CPNE8: variants seen among roughly 807,000 people sequenced by gnomAD.
CPNE8 encodes copine 8, also known as copine-8.
CPNE8 carries 45 observed loss-of-function variants against 81.5 expected under a neutral mutation model. That is an observed-to-expected ratio of 0.55 (90% CI 0.44 to 0.71). The LOEUF is 0.71. Ranked by LOEUF, CPNE8 falls within the 30% of genes least tolerant of loss-of-function variation. The pLI, the probability that CPNE8 is intolerant of heterozygous loss-of-function variation, is 0.00. For missense variants in CPNE8, 594 were observed against 672.1 expected (o/e 0.88, Z 1.28); for synonymous variants, 252 against 226.3 (o/e 1.11, Z -1.02).
chr12:38,844,880 C>G (rs552355915), intron 4 of CPNE8, among the ~76,000 whole-genome samples: 1 of 152,126 alleles, frequency 6.6e-6, no homozygotes, highest in African/African-American at 2.4e-5. Context: ...CAAAACAATT[C>G]TGAAAACCAT....
intron 6 of CPNE8, among the ~76,000 whole-genome samples, chr12:38,794,673 G>C (rs1942412133): frequency 6.6e-6 from 1 of 151,222 alleles, no homozygotes; most frequent in Non-Finnish European, 1.5e-5. Context: ...CAGAACACAA[G>C]TGTTGGCAAT....
Position 38,653,933 on chromosome 12 carries a change from A to T in CPNE8, c.1644T>A (p.Pro548=). 1 of 1,613,600 alleles carries T rather than the reference A, an allele frequency of 6.2e-7. No homozygotes were observed. Among genetic ancestry groups the T allele is most frequent in the East Asian group, 2.2e-5 (1 of 44,810 alleles). Residue 548 remains proline, a synonymous_variant, in exon 20 of 20, where the codon CCT becomes CCA. Coordinates refer to ENST00000331366, the MANE Select transcript of CPNE8 (RefSeq NM_153634.3). ...TAGGTGGGGTGTATGGGGGAGGCGC[A>T]GGTGATGGCTTGATTCCTCGGGCTC... is the stretch of plus-strand genomic sequence containing the variant. ...YMRARGIKPS[P]APPPYTPPTH...
intron 6 of CPNE8, among the ~76,000 whole-genome samples, chr12:38,823,611 T>C (rs1943141632): frequency 6.6e-6 from 1 of 152,216 alleles, no homozygotes; most frequent in Non-Finnish European, 1.5e-5. Context: ...AGAATCTAGT[T>C]TCTAATTATT....
chr12:38,820,136 G>T (rs1943090006), intron 6 of CPNE8, among the ~76,000 whole-genome samples: 1 of 152,128 alleles, frequency 6.6e-6, no homozygotes, highest in African/African-American at 2.4e-5. Context: ...GCAGGGCGTG[G>T]TGGCTCACTC....
intron 14 of CPNE8, 136 bp from the exon 15 acceptor site, chr12:38,693,974 C>A: frequency 1.8e-6 from 1 of 547,826 alleles, no homozygotes; most frequent in East Asian, 3.3e-5. Context: ...CAAATCATTT[C>A]TTTTTGGATG....
intron 16 of CPNE8, 94 bp downstream of exon 16, chr12:38,685,396 C>T: frequency 7.3e-7 from 1 of 1,361,686 alleles, no homozygotes; most frequent in Non-Finnish European, 9.9e-7. Context: ...TAGAAGAAAA[C>T]AACTTTCATG....
chr12:38,838,893 TC>T (rs1943425799), intron 5 of CPNE8, among the ~76,000 whole-genome samples: 1 of 152,164 alleles, frequency 6.6e-6, no homozygotes, highest in Non-Finnish European at 1.5e-5. Context: ...TAGCTCGTAA[TC>T]CCCCTTTCTG....
At chr12:38,725,026 T>C in intron 11 of CPNE8, 127 bp from the exon 12 acceptor site, 1 of 845,846 alleles carries the variant, frequency 1.2e-6, no homozygotes, top group Non-Finnish European at 1.9e-6. Context: ...TTACAAATGC[T>C]TTCAGTATGA....
At chr12:38,713,271 C>T (rs1207466474) in intron 13 of CPNE8, among the ~76,000 whole-genome samples, 2 of 152,172 alleles carry the variant, frequency 1.3e-5, no homozygotes, top group African/African-American at 4.8e-5. Flanking sequence ...TGCCCACTTA[C>T]TGTCTCTCCT....
intron 6 of CPNE8, among the ~76,000 whole-genome samples, chr12:38,807,369 C>A (rs9706327): frequency 0.32 from 48,041 of 147,972 alleles, 9,379 homozygotes; most frequent in Non-Finnish European, 0.43. Flanking sequence ...AGGCTACAGT[C>A]ACCAAAACAG....
At chr12:38,784,558 A>C (rs1377555555) in intron 6 of CPNE8, among the ~76,000 whole-genome samples, 1 of 152,148 alleles carries the variant, frequency 6.6e-6, no homozygotes, top group Non-Finnish European at 1.5e-5. Flanking sequence ...CCCAAAGAAG[A>C]CTACCTCAAG....
At chr12:38,850,730 G>T (rs1334332485) in intron 3 of CPNE8, among the ~76,000 whole-genome samples, 1 of 152,126 alleles carries the variant, frequency 6.6e-6, no homozygotes, top group Non-Finnish European at 1.5e-5. Context: ...CGTCTTTCCT[G>T]ACTTTTGACA....
In CPNE8 at chr12:38,843,806, G is replaced by A. The variant is rs193061474; in HGVS notation, c.291-3851C>T. On this transcript the variant is annotated intron_variant, in intron 4 of 19. Transcript: ENST00000331366. ...ACCCCCATCTCTGTCTCCCAACACC[G>A]CCTACCTTTTTGCATTCCCACCTCC... Among the ~76,000 whole-genome samples, 10 of 152,108 alleles carry A rather than the reference G, an allele frequency of 6.6e-5. No individual in the cohort carries two copies. The South Asian group carries it at 1.5e-3, about 22-fold the overall frequency.
intron 10 of CPNE8, among the ~76,000 whole-genome samples, chr12:38,748,087 T>C (rs1200594300): frequency 6.6e-6 from 1 of 152,138 alleles, no homozygotes; most frequent in Non-Finnish European, 1.5e-5. Flanking sequence ...CTCGGCTCAC[T>C]TAAACCTCCG....
chr12:38,680,373 A>G (rs137983665), intron 16 of CPNE8, among the ~76,000 whole-genome samples: 1,659 of 152,146 alleles, frequency 0.011, 13 homozygotes, highest in Non-Finnish European at 0.018. Flanking sequence ...ACATTAAAAT[A>G]TTTCAACACA....
rs1322818914 is a variant in CPNE8, at chr12:38,747,870, GA to G, written c.722+12976del. The stretch of plus-strand genomic sequence containing the variant: ...ATTTACATTTTTAATATGGCTACTA[GA>G]AAATATGTGAGTAATTTACATTTCT... On this transcript the variant is annotated intron_variant, in intron 10 of 19. Coordinates refer to ENST00000331366, the MANE Select transcript of CPNE8 (RefSeq NM_153634.3). 1.3e-4 allele frequency among the ~76,000 whole-genome samples: 19 copies of G among 151,942 alleles called. 1 individual carries two copies. The highest frequency in any genetic ancestry group is 1.1e-3 in the Admixed American group (17 of 15,264).
At chr12:38,893,282 T>C (rs1944339560) in intron 1 of CPNE8, among the ~76,000 whole-genome samples, 2 of 152,186 alleles carry the variant, frequency 1.3e-5, no homozygotes, top group South Asian at 2.1e-4. Context: ...CAGAATAAGA[T>C]AGAAGTTCAG....
upstream of CPNE8, chr12:38,906,543 A>C: frequency 1.0e-6 from 1 of 985,606 alleles, no homozygotes; most frequent in Non-Finnish European, 1.2e-6. Context: ...CAACCATATA[A>C]CGCAGCTCCT....
intron 6 of CPNE8, among the ~76,000 whole-genome samples, chr12:38,817,568 G>C (rs1012429904): frequency 6.1e-5 from 9 of 147,330 alleles, no homozygotes; most frequent in Non-Finnish European, 1.0e-4. Flanking sequence ...TTACTAAAGT[G>C]ATACCAAATT....
Sources: gnomAD v4.1 joint callset for allele counts (sites outside exome capture counted in the v4.1 genomes callset) on GRCh38, gnomAD v4.1.1 for gene constraint, MANE v1.5 for transcripts, NCBI Gene and HGNC (gene_info 2026-07-23, HGNC 2026-07-21) for gene names.